The following CTNNBL1 variants were observed in gnomAD, a reference collection of about 807,000 sequenced individuals.
The protein encoded by CTNNBL1 is catenin beta like 1.
CTNNBL1 carries 31 observed loss-of-function variants against 72.7 expected under a neutral mutation model. That is an observed-to-expected ratio of 0.43 (90% CI 0.32 to 0.58). The LOEUF (loss-of-function observed/expected upper bound fraction) is 0.58, where lower values mean the gene tolerates loss of function less well. Among genes scored for constraint, CTNNBL1 ranks in the 20% least tolerant of loss-of-function variants. The pLI is 0.08. For synonymous variants in CTNNBL1, 240 were observed against 267.3 expected (o/e 0.90, Z 1.00); for missense variants, 534 against 725.1 (o/e 0.74, Z 3.03).
intron 1 of CTNNBL1, among the ~76,000 whole-genome samples, chr20:37,731,900 CT>C (rs1158118445): frequency 2.0e-5 from 3 of 152,320 alleles, no homozygotes; most frequent in African/African-American, 7.2e-5. Context: ...TCTCAGCATA[CT>C]GAATTCAATT....
At chr20:37,851,012 G>C (rs2072391867) in intron 13 of CTNNBL1, among the ~76,000 whole-genome samples, 1 of 152,214 alleles carries the variant, frequency 6.6e-6, no homozygotes, top group South Asian at 2.1e-4. Flanking sequence ...GGAGGCATGT[G>C]CAAAGATGGT....
At chr20:37,845,279 A>G (rs1469244087) in intron 13 of CTNNBL1, among the ~76,000 whole-genome samples, 4 of 152,178 alleles carry the variant, frequency 2.6e-5, no homozygotes, top group Admixed American at 2.6e-4. Flanking sequence ...CAGTTTGCAC[A>G]TAGCTGTTAG....
At chr20:37,797,966 ATCATCTCCTT>A (rs2073793128) in intron 10 of CTNNBL1, among the ~76,000 whole-genome samples, 1 of 152,142 alleles carries the variant, frequency 6.6e-6, no homozygotes, top group African/African-American at 2.4e-5. Flanking sequence ...TGGTTCAGGC[ATCATCTCCTT>A]TTTAAGTCCT....
intron 13 of CTNNBL1, among the ~76,000 whole-genome samples, chr20:37,846,562 A>G (rs1290547722): frequency 6.6e-6 from 1 of 152,140 alleles, no homozygotes; most frequent in Non-Finnish European, 1.5e-5. Flanking sequence ...GGCCTGGCAC[A>G]CAGAAGGTGG....
intron 1 of CTNNBL1, among the ~76,000 whole-genome samples, chr20:37,722,267 A>C (rs1429182949): frequency 6.6e-6 from 1 of 152,110 alleles, no homozygotes; most frequent in African/African-American, 2.4e-5. Context: ...TGAGGTCAGG[A>C]GTTTGAGACC....
At chr20:37,705,479 T>A (rs1309994807) in intron 1 of CTNNBL1, among the ~76,000 whole-genome samples, 1 of 152,210 alleles carries the variant, frequency 6.6e-6, no homozygotes, top group East Asian at 1.9e-4. Context: ...AATTTTTTTT[T>A]AATTCTACAA....
chr20:37,810,821 C>G (rs1284488292), intron 11 of CTNNBL1, among the ~76,000 whole-genome samples: 1 of 152,142 alleles, frequency 6.6e-6, no homozygotes. Context: ...TGGATTAAGA[C>G]AGGACTTAGG....
chr20:37,799,117 C>T (rs1446833376), intron 10 of CTNNBL1, among the ~76,000 whole-genome samples: 1 of 152,186 alleles, frequency 6.6e-6, no homozygotes, highest in Non-Finnish European at 1.5e-5. Context: ...TTGCTGTAGT[C>T]AGAACCTTTG....
At chr20:37,821,331 C>T (rs1036071884) in intron 11 of CTNNBL1, among the ~76,000 whole-genome samples, 6 of 152,176 alleles carry the variant, frequency 3.9e-5, no homozygotes, top group South Asian at 2.1e-4. Flanking sequence ...CTATGCCTTA[C>T]GCGTGGGGGT....
intron 13 of CTNNBL1, among the ~76,000 whole-genome samples, chr20:37,846,653 A>G (rs1286306447): frequency 6.6e-6 from 1 of 151,954 alleles, no homozygotes; most frequent in Non-Finnish European, 1.5e-5. Context: ...GTACATACCC[A>G]CTGTCCTGAT....
chr20:37,776,137 T>C (rs1453663912), intron 7 of CTNNBL1, among the ~76,000 whole-genome samples: 3 of 152,216 alleles, frequency 2.0e-5, no homozygotes, highest in African/African-American at 7.2e-5. Flanking sequence ...GCTGAATTTC[T>C]TGAAACAAGG....
chr20:37,829,439 C>T (rs574236973), intron 11 of CTNNBL1, among the ~76,000 whole-genome samples: 19 of 152,234 alleles, frequency 1.2e-4, no homozygotes, highest in Middle Eastern at 6.8e-3. Flanking sequence ...GTGGGCAGAG[C>T]GACCAACCAG....
chr20:37,785,254 A>G (rs1387873505), intron 10 of CTNNBL1, among the ~76,000 whole-genome samples: 2 of 152,174 alleles, frequency 1.3e-5, no homozygotes, highest in African/African-American at 4.8e-5. Flanking sequence ...TCTTTGGGTT[A>G]AATCTGCTTG....
intron 11 of CTNNBL1, among the ~76,000 whole-genome samples, chr20:37,830,232 T>C (rs78015130): frequency 6.6e-4 from 100 of 152,314 alleles, no homozygotes; most frequent in African/African-American, 2.4e-3. Context: ...GTATATATTA[T>C]AAAACGATGA....
intron 11 of CTNNBL1, among the ~76,000 whole-genome samples, chr20:37,807,263 A>G (rs1184907800): frequency 6.6e-6 from 1 of 152,192 alleles, no homozygotes. Context: ...TGACATGTAG[A>G]TGCTTAGCAT....
intron 1 of CTNNBL1, among the ~76,000 whole-genome samples, chr20:37,698,986 C>A (rs1443990837): frequency 5.3e-5 from 8 of 152,196 alleles, no homozygotes; most frequent in Non-Finnish European, 7.3e-5. Context: ...GCAGAAGTTA[C>A]ACTGAGCCAA....
chr20:37,820,558 G>T (rs1470249886), intron 11 of CTNNBL1, among the ~76,000 whole-genome samples: 2 of 152,132 alleles, frequency 1.3e-5, no homozygotes, highest in Non-Finnish European at 2.9e-5. Flanking sequence ...AAAGGGACTT[G>T]GTGGAAGGTG....
At chr20:37,694,724 A>C (rs1375179877) in intron 1 of CTNNBL1, among the ~76,000 whole-genome samples, 1 of 152,206 alleles carries the variant, frequency 6.6e-6, no homozygotes, top group Non-Finnish European at 1.5e-5. Flanking sequence ...GATTTGCAGG[A>C]GATGTTGGGA....
At chr20:37,832,369 G>C (rs764823322) in intron 11 of CTNNBL1, 5 of 152,256 alleles carry the variant, frequency 3.3e-5, no homozygotes, top group Non-Finnish European at 7.3e-5. Context: ...CGAATCCCTT[G>C]TGATTCTCTT....
Sources: allele counts gnomAD v4.1 joint callset (sites outside exome capture counted in the v4.1 genomes callset), GRCh38; gene constraint gnomAD v4.1.1; transcripts MANE v1.5; gene names NCBI Gene and HGNC (gene_info 2026-07-23, HGNC 2026-07-21).